The following BBS4 variants were observed in gnomAD, a reference collection of about 807,000 sequenced individuals.
BBS4 encodes Bardet-Biedl syndrome 4.
BBS4 carries 58 observed loss-of-function variants against 71.4 expected under a neutral mutation model. The observed-to-expected ratio is 0.81, with a 90% CI of 0.66 to 1.01. The LOEUF (loss-of-function observed/expected upper bound fraction) is 1.01. Ranked by LOEUF, BBS4 falls within the 50% of genes least tolerant of loss-of-function variation. The pLI, the probability that BBS4 is intolerant of heterozygous loss-of-function variation, is 0.00. For missense variants in BBS4, 660 were observed against 607.9 expected (o/e 1.09, Z -0.90); for synonymous variants, 228 against 216.8 (o/e 1.05, Z -0.46).
intron 3 of BBS4, among the ~76,000 whole-genome samples, chr15:72,710,131 A>C (rs2065339191): frequency 1.3e-5 from 2 of 149,874 alleles, no homozygotes; most frequent in African/African-American, 4.9e-5. Flanking sequence ...TGGTGGAGGC[A>C]GATGTTCAAC....
intron 2 of BBS4, among the ~76,000 whole-genome samples, chr15:72,696,414 A>T (rs2065077726): frequency 6.6e-6 from 1 of 152,184 alleles, no homozygotes; most frequent in East Asian, 1.9e-4. Flanking sequence ...GAGTTTCGAC[A>T]AATGAAACTA....
In BBS4 at chr15:72,736,974, A is replaced by G. The variant is rs1486406573; in HGVS notation, c.1450+11A>G. The stretch of plus-strand genomic sequence containing the variant: ...GGACGCTCCCCTCAGGTAGGACCAT[A>G]CAGAGCTCCATGAAGACCTGGCAGG... On this transcript the variant is annotated intron_variant, in intron 15 of 15. Transcript: ENST00000268057. The G allele has an allele frequency of 6.2e-7, 1 of 1,613,804 alleles. No individual in the cohort carries two copies. The highest frequency in any genetic ancestry group is 1.3e-5 in the African/African-American group (1 of 75,048).
At chr15:72,711,883 T>G (rs2065378738) in intron 3 of BBS4, among the ~76,000 whole-genome samples, 1 of 152,164 alleles carries the variant, frequency 6.6e-6, no homozygotes, top group South Asian at 2.1e-4. Flanking sequence ...TTCTTTTTTT[T>G]TTCAGACAGA....
intron 6 of BBS4, among the ~76,000 whole-genome samples, chr15:72,722,079 G>A (rs549122519): frequency 9.2e-5 from 14 of 152,218 alleles, no homozygotes; most frequent in South Asian, 2.1e-4. Flanking sequence ...CTGTTGCAAC[G>A]ACTTAACTCT....
At position 72,712,430 on chromosome 15, in the gene BBS4, T is replaced by C. The variant is rs1031543067; in HGVS notation, c.220+123T>C. 3.2e-5 allele frequency: 30 copies of C among 941,652 alleles called. No individual in the cohort carries two copies. The African/African-American group carries it at 4.7e-4, about 15-fold the overall frequency. The allele number at this position is 941,652 out of a possible 1,614,324, so 58.3% of individuals were successfully genotyped here. ...CATGCACCACTTAACAATGGAGATA[T>C]GTTCTAAGAAATGTGTTGTTAGGCA... On this transcript the variant is annotated intron_variant, in intron 4 of 15. Coordinates refer to ENST00000268057, the MANE Select transcript of BBS4 (RefSeq NM_033028.5).
rs753512818 is a variant in BBS4 at position 72,709,767 on chromosome 15, T to C, written c.144T>C (p.Tyr48=). 6.2e-7 allele frequency: 1 copy of C among 1,613,492 alleles called. No individual in the cohort carries two copies. Among genetic ancestry groups the C allele is most frequent in the Admixed American group, 1.7e-5 (1 of 60,020 alleles). Residue 48 remains tyrosine (Y), a synonymous_variant, in exon 3 of 16, where the codon TAT becomes TAC. Coordinates refer to ENST00000268057, the MANE Select transcript of BBS4 (RefSeq NM_033028.5). ...LIHLHYIRKD[Y]EACKAVIKEQ... ...ATCTTCATTATATCCGGAAAGATTA[T>C]GAAGCCTGCAAGGTAAGAGATTGCC...
intron 1 of BBS4, among the ~76,000 whole-genome samples, chr15:72,690,313 T>C (rs1396646693): frequency 6.6e-6 from 1 of 152,118 alleles, no homozygotes; most frequent in Non-Finnish European, 1.5e-5. Flanking sequence ...TATATAAAAA[T>C]GAAGAAATAA....
intron 2 of BBS4, among the ~76,000 whole-genome samples, chr15:72,705,380 T>A (rs2065244992): frequency 1.3e-5 from 2 of 152,186 alleles, no homozygotes; most frequent in African/African-American, 4.8e-5. Context: ...TGAAATGTTC[T>A]CTAAAATATT....
chr15:72,706,835 A>T (rs1266397806), intron 2 of BBS4, among the ~76,000 whole-genome samples: 5 of 151,668 alleles, frequency 3.3e-5, no homozygotes, highest in African/African-American at 1.2e-4. Context: ...CTTCTTTTTT[A>T]TTTTTTTAAA....
intron 1 of BBS4, among the ~76,000 whole-genome samples, chr15:72,692,716 T>C (rs1199117724): frequency 6.6e-6 from 1 of 151,840 alleles, no homozygotes; most frequent in Non-Finnish European, 1.5e-5. Flanking sequence ...CACCTCAGCC[T>C]TCTGAGTAGC....
intron 2 of BBS4, among the ~76,000 whole-genome samples, chr15:72,703,604 T>G (rs1041434014): frequency 6.6e-6 from 1 of 152,132 alleles, no homozygotes; most frequent in African/African-American, 2.4e-5. Flanking sequence ...GGGGGATAAA[T>G]GGAGGCCCAG....
intron 1 of BBS4, among the ~76,000 whole-genome samples, chr15:72,693,201 C>T (rs2065018003): frequency 6.6e-6 from 1 of 152,152 alleles, no homozygotes. Context: ...AATTAAACAC[C>T]ACAAATTATG....
At chr15:72,730,694 A>G (rs1484617019) in intron 10 of BBS4, among the ~76,000 whole-genome samples, 2 of 152,260 alleles carry the variant, frequency 1.3e-5, no homozygotes, top group African/African-American at 4.8e-5. Flanking sequence ...AATAGCATCA[A>G]ATGGATGAAC....
intron 13 of BBS4, 116 bp from the exon 14 acceptor site, chr15:72,735,709 A>G (rs1158348800): frequency 2.3e-6 from 3 of 1,320,800 alleles, no homozygotes; most frequent in Non-Finnish European, 2.2e-6. Flanking sequence ...ACCTTGCTGC[A>G]TAATGGAGAA....
At chr15:72,688,300 T>C (rs1301292564) in intron 1 of BBS4, among the ~76,000 whole-genome samples, 2 of 152,078 alleles carry the variant, frequency 1.3e-5, no homozygotes, top group East Asian at 3.8e-4. Context: ...ACTGTTTTCA[T>C]TGTTGTCAAA....
chr15:72,702,744 C>T lies in BBS4; in HGVS notation c.77-6956C>T, dbSNP rs536242521. 1.6e-4 allele frequency among the ~76,000 whole-genome samples: 24 copies of T among 150,518 alleles called. No homozygotes were observed. In the East Asian group the frequency reaches 3.9e-3, roughly 25 times the overall value. On this transcript the variant is annotated intron_variant, in intron 2 of 15. Coordinates refer to ENST00000268057, the MANE Select transcript of BBS4 (RefSeq NM_033028.5). The stretch of plus-strand genomic sequence containing the variant: ...TGTTTCTCTTGATCCTGGGCCTGTT[C>T]GCCCTCAGATCCATTCCTTGCCTTC...
At chr15:72,700,167 T>A (rs2065145081) in intron 2 of BBS4, among the ~76,000 whole-genome samples, 1 of 152,164 alleles carries the variant, frequency 6.6e-6, no homozygotes, top group Non-Finnish European at 1.5e-5. Context: ...CTTGAATTCC[T>A]TACCTCATGA....
chr15:72,725,626 T>A lies in BBS4; in HGVS notation c.587+971T>A, dbSNP rs1295429841. On this transcript the variant is annotated intron_variant, in intron 8 of 15. Coordinates refer to ENST00000268057, the MANE Select transcript of BBS4 (RefSeq NM_033028.5). ...AAACAAAACAAAACAAAACAAAACATTTGGCCTTATTAGCATGAGACCAGT... is the reference window on the plus strand; with the variant it reads ...AAACAAAACAAAACAAAACAAAACAATTGGCCTTATTAGCATGAGACCAGT... Among the ~76,000 whole-genome samples the A allele has an allele frequency of 1.4e-4, 21 of 151,996 alleles. 1 individual carries two copies. The highest frequency in any genetic ancestry group is 1.4e-3 in the Admixed American group (21 of 15,284).
chr15:72,719,270 T>TC (rs990550757), intron 6 of BBS4, among the ~76,000 whole-genome samples: 5 of 150,918 alleles, frequency 3.3e-5, no homozygotes, highest in African/African-American at 9.7e-5. Context: ...TAAATTTTTT[T>TC]TTTTTTTTTT....
Sources: allele counts gnomAD v4.1 joint callset (sites outside exome capture counted in the v4.1 genomes callset), GRCh38; gene constraint gnomAD v4.1.1; transcripts MANE v1.5; gene names NCBI Gene and HGNC (gene_info 2026-07-23, HGNC 2026-07-21).